RRAS2: variants seen among roughly 807,000 people sequenced by gnomAD.
RRAS2 encodes RAS related 2, also known as ras-related protein R-Ras2.
A neutral mutation model predicts 27.6 loss-of-function variants in RRAS2; 7 were observed. The ratio of observed to expected loss-of-function variants is 0.25; its 90% confidence interval spans 0.14 to 0.48. RRAS2 has a LOEUF of 0.48. RRAS2 is among the 20% of genes least tolerant of loss of function. The pLI is 0.99. For missense variants in RRAS2, 178 were observed against 256.2 expected, an observed-to-expected ratio of 0.69 and a Z score of 2.08; for synonymous variants, 86 against 90.9, an observed-to-expected ratio of 0.95 and a Z score of 0.31.
At chr11:14,310,105 T>C (rs1380086335) in intron 1 of RRAS2, among the ~76,000 whole-genome samples, 5 of 152,226 alleles carry the variant, frequency 3.3e-5, no homozygotes, top group South Asian at 2.1e-4. Context: ...AAACTGGATG[T>C]AGATACAGAG....
In RRAS2 at chr11:14,279,310, C is replaced by A. The variant is rs1849454882; in HGVS notation, c.*27G>T. Reference sequence around the variant, plus strand: ...AAGAGAAGATGAGGGCTTTTCCTGGCCGTTGGTAGCTAAAACTGAAGGGAT... The same window carrying A: ...AAGAGAAGATGAGGGCTTTTCCTGGACGTTGGTAGCTAAAACTGAAGGGAT... On this transcript the variant is annotated 3_prime_UTR_variant, in exon 6 of 6. Transcript: ENST00000256196. 2.0e-6 allele frequency: 3 copies of A among 1,508,000 alleles called. No homozygotes were observed. Among genetic ancestry groups the A allele is most frequent in the Non-Finnish European group, 2.8e-6 (3 of 1,084,018 alleles). 93.4% of individuals were successfully genotyped at this position (1,508,000 alleles called of 1,614,324 possible). A position where few individuals can be genotyped will look rare whatever the true frequency, so the allele number is the denominator to read the frequency against.
intron 1 of RRAS2, among the ~76,000 whole-genome samples, chr11:14,312,598 T>G (rs995633859): frequency 1.2e-4 from 19 of 152,104 alleles, no homozygotes; most frequent in African/African-American, 4.6e-4. Flanking sequence ...TTTTTCATTT[T>G]TTTGTAGATA....
In RRAS2 at chr11:14,281,559, T is replaced by C. The variant is rs782392962; in HGVS notation, c.527+43A>G. 7 of 1,448,560 alleles carry C rather than the reference T, an allele frequency of 4.8e-6. No homozygotes were observed. The African/African-American group carries it at 5.8e-5, about 12-fold the overall frequency. The allele number at this position is 1,448,560 out of a possible 1,614,324, so 89.7% of individuals were successfully genotyped here. A position where few individuals can be genotyped will look rare whatever the true frequency, so the allele number is the denominator to read the frequency against. On this transcript the variant is annotated intron_variant, in intron 5 of 5. Coordinates refer to ENST00000256196, the MANE Select transcript of RRAS2 (RefSeq NM_012250.6). ...AAATATCCTTACTAAAAACATTTAA[T>C]AGTAATTTATTAAAACACACATCTA...
intron 1 of RRAS2, among the ~76,000 whole-genome samples, chr11:14,348,526 A>C (rs150477097): frequency 1.9e-3 from 297 of 152,350 alleles, no homozygotes; most frequent in African/African-American, 6.7e-3. Flanking sequence ...ATTCTACATT[A>C]AGGACTTCTA....
chr11:14,350,758 G>T (rs139377726), intron 1 of RRAS2, among the ~76,000 whole-genome samples: 1 of 152,146 alleles, frequency 6.6e-6, no homozygotes, highest in East Asian at 1.9e-4. Context: ...ATTTGTCTTG[G>T]GCCACATTCA....
intron 1 of RRAS2, among the ~76,000 whole-genome samples, chr11:14,320,106 C>T (rs1436824557): frequency 6.6e-6 from 1 of 151,910 alleles, no homozygotes; most frequent in East Asian, 1.9e-4. Flanking sequence ...GCACTGCCCA[C>T]CCACCGCACC....
chr11:14,358,658 C>T lies in RRAS2; in HGVS notation c.108+105G>A. The stretch of plus-strand genomic sequence containing the variant: ...CCGCCCCCTGGCCCCGGCCCGGGCC[C>T]GCGAGGCGCCTCTGGGGCGAGGTCG... On this transcript the variant is annotated intron_variant, in intron 1 of 5. Transcript: ENST00000256196. The surrounding 1 kb of genome is among the most constrained non-coding windows in gnomAD (Gnocchi z 5.1). The T allele has an allele frequency of 1.0e-6, 1 of 984,476 alleles. No homozygotes were observed. Among genetic ancestry groups the T allele is most frequent in the Non-Finnish European group, 1.2e-6 (1 of 826,844 alleles). The allele number at this position is 984,476 out of a possible 1,614,324, so 61.0% of individuals were successfully genotyped here.
intron 4 of RRAS2, among the ~76,000 whole-genome samples, chr11:14,290,924 T>C (rs1849794985): frequency 6.6e-6 from 1 of 152,226 alleles, no homozygotes; most frequent in Admixed American, 6.5e-5. Flanking sequence ...TGTAGCATGT[T>C]GTATGCTGAT....
Position 14,358,748 on chromosome 11 carries a change from GC to G in RRAS2, c.108+14del. On this transcript the variant is annotated intron_variant, in intron 1 of 5. Coordinates refer to ENST00000256196, the MANE Select transcript of RRAS2 (RefSeq NM_012250.6). This position sits in a 1 kb window ranked among gnomAD's most constrained non-coding sequence, Gnocchi z 5.1. The stretch of plus-strand genomic sequence containing the variant: ...GCCGCCGCTCCGGCGCCCCGGGCAG[GC>G]CCGCTCCAGGTACCTGGATGAACTG... 7.2e-7 allele frequency: 1 copy of G among 1,387,096 alleles called. No homozygotes were observed. Among genetic ancestry groups the G allele is most frequent in the South Asian group, 1.5e-5 (1 of 66,534 alleles). The allele number at this position is 1,387,096 out of a possible 1,614,324, so 85.9% of individuals were successfully genotyped here.
upstream of RRAS2, among the ~76,000 whole-genome samples, chr11:14,361,210 G>T (rs555305620): frequency 8.9e-4 from 135 of 152,208 alleles, no homozygotes; most frequent in African/African-American, 2.9e-3. Context: ...TTGCTTGAAC[G>T]CTGGAAGCGG....
chr11:14,345,475 T>C (rs1390144502), intron 1 of RRAS2, among the ~76,000 whole-genome samples: 4 of 152,174 alleles, frequency 2.6e-5, no homozygotes, highest in Non-Finnish European at 5.9e-5. Context: ...ATACTTATAG[T>C]CTAGTGCTTA....
intron 4 of RRAS2, among the ~76,000 whole-genome samples, chr11:14,291,383 G>A (rs1554945779): frequency 6.6e-6 from 1 of 152,096 alleles, no homozygotes; most frequent in Non-Finnish European, 1.5e-5. Flanking sequence ...GGAAGAAAAA[G>A]CATAAGGAGG....
intron 4 of RRAS2, among the ~76,000 whole-genome samples, chr11:14,290,460 A>G (rs970719072): frequency 2.6e-5 from 4 of 152,216 alleles, no homozygotes; most frequent in Non-Finnish European, 4.4e-5. Context: ...GGGGGAAAAA[A>G]AAGGTAAAAA....
rs540159541 is a variant in RRAS2 at position 14,324,452 on chromosome 11, G to A, written c.109-28597C>T. On this transcript the variant is annotated intron_variant, in intron 1 of 5. Coordinates refer to ENST00000256196, the MANE Select transcript of RRAS2 (RefSeq NM_012250.6). ...CAAAAAAAAAAAAAAAAAGGAAAACGTATATGAGTGTAAAAGCATTCTCTT... is the reference window on the plus strand; with the variant it reads ...CAAAAAAAAAAAAAAAAAGGAAAACATATATGAGTGTAAAAGCATTCTCTT... 8.8e-5 allele frequency among the ~76,000 whole-genome samples: 13 copies of A among 147,222 alleles called. No individual in the cohort carries two copies. The South Asian group carries it at 1.3e-3, about 14-fold the overall frequency.
intron 1 of RRAS2, among the ~76,000 whole-genome samples, chr11:14,315,818 G>A (rs1310333970): frequency 6.6e-6 from 1 of 151,988 alleles, no homozygotes; most frequent in East Asian, 1.9e-4. Flanking sequence ...ACATGTAAAA[G>A]CTTAAATTTA....
intron 1 of RRAS2, among the ~76,000 whole-genome samples, chr11:14,338,640 G>T (rs1409307286): frequency 8.5e-5 from 13 of 152,126 alleles, no homozygotes; most frequent in African/African-American, 2.9e-4. Flanking sequence ...CTGGATTTCA[G>T]ATTTTTGAAT....
chr11:14,283,135 G>A (rs1194720341), intron 4 of RRAS2, among the ~76,000 whole-genome samples: 3 of 152,032 alleles, frequency 2.0e-5, no homozygotes, highest in Admixed American at 6.6e-5. Context: ...AATGGATGGC[G>A]GATTTGCCAA....
intron 1 of RRAS2, chr11:14,356,686 C>T (rs1375426322): frequency 2.3e-6 from 1 of 428,112 alleles, no homozygotes; most frequent in Non-Finnish European, 4.6e-6. Flanking sequence ...TCATACATAC[C>T]TGCTTCCTTT....
At chr11:14,346,150 T>C (rs1193073493) in intron 1 of RRAS2, among the ~76,000 whole-genome samples, 2 of 152,042 alleles carry the variant, frequency 1.3e-5, no homozygotes, top group Non-Finnish European at 2.9e-5. Flanking sequence ...ATCCAGAAAA[T>C]TTCATCAAGG....
Sources: gnomAD v4.1 joint callset for allele counts (sites outside exome capture counted in the v4.1 genomes callset) on GRCh38, gnomAD v4.1.1 for gene constraint, Gnocchi (gnomAD v3.1) non-coding constraint, MANE v1.5 for transcripts, NCBI Gene and HGNC (gene_info 2026-07-23, HGNC 2026-07-21) for gene names.